ADAM22: variants seen among roughly 807,000 people sequenced by gnomAD.
ADAM22 encodes ADAM metallopeptidase domain 22.
In ADAM22, 65 loss-of-function variants were observed where a neutral mutation model predicts 144.6. The ratio of observed to expected loss-of-function variants is 0.45; its 90% CI spans 0.37 to 0.55. The LOEUF (loss-of-function observed/expected upper bound fraction) is 0.55, where lower values mean the gene tolerates loss of function less well. Ranked by LOEUF, ADAM22 falls within the 20% of genes least tolerant of loss-of-function variation. The pLI is 0.00. For missense variants in ADAM22, 974 were observed against 1,184.9 expected (o/e 0.82, Z 2.61); for synonymous variants, 391 against 412.6 (o/e 0.95, Z 0.63).
chr7:87,973,621 A>G (rs1300273292), intron 2 of ADAM22, among the ~76,000 whole-genome samples: 1 of 152,216 alleles, frequency 6.6e-6, no homozygotes, highest in African/African-American at 2.4e-5. Context: ...TCGTGCTGCT[A>G]TAAAGACACA....
chr7:88,031,085 C>T (rs1800153932), intron 3 of ADAM22, among the ~76,000 whole-genome samples: 1 of 152,064 alleles, frequency 6.6e-6, no homozygotes, highest in South Asian at 2.1e-4. Flanking sequence ...CACTGCACTC[C>T]AGCCTGGGCG....
intron 2 of ADAM22, among the ~76,000 whole-genome samples, chr7:87,944,785 C>T (rs1047269736): frequency 3.5e-5 from 5 of 143,546 alleles, no homozygotes; most frequent in African/African-American, 1.3e-4. Context: ...CACCCTTGAT[C>T]TGTGTCTTAG....
chr7:88,195,669 C>T (rs1211435624), intron 31 of ADAM22, among the ~76,000 whole-genome samples: 1 of 152,084 alleles, frequency 6.6e-6, no homozygotes, highest in Non-Finnish European at 1.5e-5. Flanking sequence ...GTGCCCGCCA[C>T]CACGCCCGGC....
chr7:88,139,562 G>A (rs1256115437), intron 14 of ADAM22, among the ~76,000 whole-genome samples: 1 of 152,142 alleles, frequency 6.6e-6, no homozygotes, highest in Non-Finnish European at 1.5e-5. Flanking sequence ...TGGAGTAAAA[G>A]CATTGCAAGG....
chr7:87,995,920 C>CAGAT, intron 3 of ADAM22, among the ~76,000 whole-genome samples: 1 of 152,248 alleles, frequency 6.6e-6, no homozygotes, highest in African/African-American at 2.4e-5. Flanking sequence ...AAACCATGAC[C>CAGAT]AGATGTTTGT....
At chr7:88,038,597 G>A (rs1056924043) in intron 3 of ADAM22, among the ~76,000 whole-genome samples, 1 of 151,544 alleles carries the variant, frequency 6.6e-6, no homozygotes, top group Non-Finnish European at 1.5e-5. Context: ...TGGGACTACA[G>A]GCGCGCACCA....
rs142447165 is a variant in ADAM22, at chr7:88,060,079, T to C, written c.324-15547T>C. Among the ~76,000 whole-genome samples the C allele has an allele frequency of 5.5e-4, 84 of 152,238 alleles. 1 individual carries two copies. Among genetic ancestry groups the C allele is most frequent in the African/African-American group, 1.9e-3 (80 of 41,542 alleles). The stretch of plus-strand genomic sequence containing the variant: ...GCAACAGCATTATGTCTAAAAAAAG[T>C]ATATACTCTAATTAAAAAATACTTT... On this transcript the variant is annotated intron_variant, in intron 3 of 31. Coordinates refer to ENST00000413139, the MANE Select transcript of ADAM22 (RefSeq NM_001324418.2).
intron 4 of ADAM22, among the ~76,000 whole-genome samples, chr7:88,076,470 C>T (rs1814529686): frequency 6.6e-6 from 1 of 152,122 alleles, no homozygotes; most frequent in African/African-American, 2.4e-5. Flanking sequence ...TAGGTGTTTG[C>T]CTTTGCATTC....
chr7:88,006,132 A>G (rs1167973754), intron 3 of ADAM22, among the ~76,000 whole-genome samples: 2 of 152,070 alleles, frequency 1.3e-5, no homozygotes, highest in Non-Finnish European at 2.9e-5. Flanking sequence ...AAATATATCC[A>G]TGCTTAACTT....
chr7:88,111,224 T>A lies in ADAM22; in HGVS notation c.473+2966T>A, dbSNP rs1246539847. On this transcript the variant is annotated intron_variant, in intron 5 of 31. Coordinates refer to ENST00000413139, the MANE Select transcript of ADAM22 (RefSeq NM_001324418.2). ...GTTGTTTAGTAATTATTGCTTCTCA[T>A]CTTGACTTTACTTTCTGGAAGAAAT... Among the ~76,000 whole-genome samples the A allele has an allele frequency of 2.0e-5, 3 of 152,140 alleles. No individual in the cohort carries two copies. The East Asian group carries it at 5.8e-4, about 29-fold the overall frequency.
At chr7:87,977,721 G>A (rs776309899) in intron 2 of ADAM22, among the ~76,000 whole-genome samples, 3 of 152,202 alleles carry the variant, frequency 2.0e-5, no homozygotes, top group South Asian at 2.1e-4. Flanking sequence ...TCCTAGGATA[G>A]CATAGGAAAT....
intron 23 of ADAM22, among the ~76,000 whole-genome samples, chr7:88,164,317 A>T (rs1481185385): frequency 1.3e-5 from 2 of 152,098 alleles, no homozygotes; most frequent in Non-Finnish European, 2.9e-5. Flanking sequence ...TGTTTAATTA[A>T]TTAGTAAAAG....
At chr7:88,080,512 G>A (rs1405600888) in intron 4 of ADAM22, among the ~76,000 whole-genome samples, 2 of 152,062 alleles carry the variant, frequency 1.3e-5, no homozygotes, top group East Asian at 3.8e-4. Context: ...AGAACTGAAG[G>A]AAATAGAGAC....
chr7:88,181,481 A>G, intron 27 of ADAM22, 24 bp from the exon 28 acceptor site: 1 of 1,599,674 alleles, frequency 6.3e-7, no homozygotes, highest in Non-Finnish European at 8.6e-7. Flanking sequence ...TTTTTGAACA[A>G]TTTATCAATA....
At chr7:87,950,050 G>C (rs1844659864) in intron 2 of ADAM22, among the ~76,000 whole-genome samples, 1 of 151,964 alleles carries the variant, frequency 6.6e-6, no homozygotes, top group East Asian at 1.9e-4. Flanking sequence ...AAATATACCA[G>C]TAGAGAACAG....
rs1439764150 is a variant in ADAM22 at position 88,186,635 on chromosome 7, A to G, written c.2684A>G (p.Lys895Arg). 1 of 1,611,958 alleles carries G rather than the reference A, an allele frequency of 6.2e-7. No individual in the cohort carries two copies. The highest frequency in any genetic ancestry group is 2.2e-5 in the East Asian group (1 of 44,856). Reference sequence around the variant, plus strand: ...TGCAGGTATTTAAACCCATGGTTCAAAAGAGACTATAATGTAGCTAAGTGG... The same window carrying G: ...TGCAGGTATTTAAACCCATGGTTCAGAAGAGACTATAATGTAGCTAAGTGG... ...NSTEYLNPWF[K>R]RDYNVAKWVE... Residue 895 changes from lysine (K) to arginine (R), a missense_variant, in exon 30 of 32, where the codon AAA (lysine) becomes AGA (arginine). Coordinates refer to ENST00000413139, the MANE Select transcript of ADAM22 (RefSeq NM_001324418.2).
At chr7:88,163,877 C>A (rs1435080417) in intron 23 of ADAM22, among the ~76,000 whole-genome samples, 1 of 152,040 alleles carries the variant, frequency 6.6e-6, no homozygotes, top group Non-Finnish European at 1.5e-5. Flanking sequence ...TGTTCTATTT[C>A]TTTCAGCATG....
At chr7:88,022,466 T>G (rs1798051432) in intron 3 of ADAM22, among the ~76,000 whole-genome samples, 1 of 152,224 alleles carries the variant, frequency 6.6e-6, no homozygotes, top group South Asian at 2.1e-4. Flanking sequence ...ATAAGATGAT[T>G]TATATTCAAT....
At chr7:87,969,253 T>G (rs1637499) in intron 2 of ADAM22, among the ~76,000 whole-genome samples, 1 of 151,958 alleles carries the variant, frequency 6.6e-6, no homozygotes, top group Non-Finnish European at 1.5e-5. Context: ...GCGTGCCTTG[T>G]AATTTCCTGA....
Sources: gnomAD v4.1 joint callset for allele counts (sites outside exome capture counted in the v4.1 genomes callset) on GRCh38, gnomAD v4.1.1 for gene constraint, MANE v1.5 for transcripts, NCBI Gene and HGNC (gene_info 2026-07-23, HGNC 2026-07-21) for gene names.